SCFD2: variants seen among roughly 807,000 people sequenced by gnomAD.
SCFD2 encodes the protein sec1 family domain-containing protein 2.
In SCFD2, 54 loss-of-function variants were observed where a neutral mutation model predicts 58.9. The observed-to-expected ratio is 0.92, with a 90% CI of 0.74 to 1.15. SCFD2 has a LOEUF of 1.15. Ranked by LOEUF, SCFD2 falls within the 50% of genes most tolerant of loss-of-function variation. SCFD2 has a pLI of 0.00. For synonymous variants in SCFD2, 321 were observed against 335.9 expected (o/e 0.96, Z 0.49); for missense variants, 805 against 836.6 (o/e 0.96, Z 0.47).
chr4:53,135,070 T>C lies in SCFD2; in HGVS notation c.1561+10263A>G, dbSNP rs1400246771. On this transcript the variant is annotated intron_variant, in intron 5 of 8. Transcript: ENST00000401642. ...TAAGCCAGATTAAAATGTAAACAAA[T>C]GTAATTTTTTTTTTTAGTTAAAAGT... 4.6e-5 allele frequency among the ~76,000 whole-genome samples: 7 copies of C among 151,978 alleles called. No individual in the cohort carries two copies. In the East Asian group the frequency reaches 1.2e-3, roughly 25 times the overall value.
intron 5 of SCFD2, among the ~76,000 whole-genome samples, chr4:52,988,427 T>C (rs1236766558): frequency 6.6e-6 from 1 of 152,198 alleles, no homozygotes; most frequent in Admixed American, 6.5e-5. Context: ...ACCACATTTG[T>C]CCAATGTCCT....
chr4:53,177,635 C>T (rs1415503543), intron 4 of SCFD2, among the ~76,000 whole-genome samples: 2 of 152,164 alleles, frequency 1.3e-5, no homozygotes, highest in Non-Finnish European at 2.9e-5. Context: ...GTACCGGGTT[C>T]ATCTCAGTGG....
chr4:52,936,737 CCTCCTTCAG>C (rs1287049895), intron 5 of SCFD2, among the ~76,000 whole-genome samples: 2 of 152,206 alleles, frequency 1.3e-5, no homozygotes, highest in African/African-American at 4.8e-5. Flanking sequence ...CACTCCTCCA[CCTCCTTCAG>C]CTCATAGACA....
chr4:53,134,618 T>C (rs1404085472), intron 5 of SCFD2, among the ~76,000 whole-genome samples: 2 of 152,256 alleles, frequency 1.3e-5, no homozygotes, highest in African/African-American at 4.8e-5. Context: ...CAGGAATCTC[T>C]ATACCATTAT....
intron 5 of SCFD2, among the ~76,000 whole-genome samples, chr4:53,028,171 T>C (rs866273455): frequency 6.6e-6 from 1 of 151,656 alleles, no homozygotes; most frequent in South Asian, 2.1e-4. Flanking sequence ...CACTTGAACC[T>C]GGGAGGCGGA....
At chr4:53,275,782 T>C (rs568977554) in intron 3 of SCFD2, among the ~76,000 whole-genome samples, 2 of 152,322 alleles carry the variant, frequency 1.3e-5, no homozygotes, top group East Asian at 3.9e-4. Flanking sequence ...ACATAGTATG[T>C]AGCCATTTGA....
chr4:53,009,607 C>T (rs17645134), intron 5 of SCFD2, among the ~76,000 whole-genome samples: 14,106 of 152,234 alleles, frequency 0.093, 818 homozygotes, highest in Middle Eastern at 0.14. Flanking sequence ...GCTTTCCCTT[C>T]GTTCTCGTAA....
At chr4:52,940,011 A>T (rs963248226) in intron 5 of SCFD2, among the ~76,000 whole-genome samples, 2 of 152,234 alleles carry the variant, frequency 1.3e-5, no homozygotes, top group African/African-American at 4.8e-5. Flanking sequence ...CCAAGCAGGG[A>T]GCCTACATTC....
At chr4:52,939,545 A>C (rs1197396589) in intron 5 of SCFD2, among the ~76,000 whole-genome samples, 1 of 152,198 alleles carries the variant, frequency 6.6e-6, no homozygotes, top group South Asian at 2.1e-4. Flanking sequence ...TAAGATGCTT[A>C]CTATGTGTCA....
At chr4:53,187,658 T>C (rs1727776918) in intron 4 of SCFD2, among the ~76,000 whole-genome samples, 1 of 152,046 alleles carries the variant, frequency 6.6e-6, no homozygotes, top group South Asian at 2.1e-4. Context: ...AAATATGATA[T>C]AACAGCTTAT....
intron 6 of SCFD2, among the ~76,000 whole-genome samples, chr4:52,913,290 A>G (rs1248762037): frequency 6.6e-6 from 1 of 152,100 alleles, no homozygotes; most frequent in Non-Finnish European, 1.5e-5. Flanking sequence ...TGAATGAGTG[A>G]AGCTTCATCA....
chr4:53,041,714 C>T (rs1722905119), intron 5 of SCFD2, among the ~76,000 whole-genome samples: 1 of 151,948 alleles, frequency 6.6e-6, no homozygotes, highest in Admixed American at 6.6e-5. Flanking sequence ...TTGATGTAGC[C>T]CTTAGGAAAT....
chr4:53,327,666 T>G (rs1045178292), intron 2 of SCFD2, among the ~76,000 whole-genome samples: 6 of 152,138 alleles, frequency 3.9e-5, no homozygotes, highest in African/African-American at 1.4e-4. Context: ...CTATATTGGT[T>G]AAATACAGGA....
chr4:52,939,494 A>T (rs17700324), intron 5 of SCFD2, among the ~76,000 whole-genome samples: 4,886 of 152,228 alleles, frequency 0.032, 125 homozygotes, highest in Non-Finnish European at 0.049. Flanking sequence ...GAACACTAGG[A>T]GGGAAAGGCA....
chr4:53,184,068 A>T (rs1727665695), intron 4 of SCFD2, among the ~76,000 whole-genome samples: 1 of 152,164 alleles, frequency 6.6e-6, no homozygotes, highest in Non-Finnish European at 1.5e-5. Flanking sequence ...AAAATATCCC[A>T]TTTAAAAATG....
intron 4 of SCFD2, among the ~76,000 whole-genome samples, chr4:53,218,409 T>A (rs1302468127): frequency 2.0e-5 from 3 of 152,248 alleles, no homozygotes; most frequent in Non-Finnish European, 4.4e-5. Context: ...CTGTCACTGA[T>A]ACCCTTTCTT....
chr4:53,262,790 G>A (rs758055740), intron 4 of SCFD2, among the ~76,000 whole-genome samples: 1 of 152,188 alleles, frequency 6.6e-6, no homozygotes, highest in Non-Finnish European at 1.5e-5. Flanking sequence ...GTATTTGGAT[G>A]TCTAGATCTG....
chr4:53,230,776 A>T (rs1729412279), intron 4 of SCFD2, among the ~76,000 whole-genome samples: 1 of 152,110 alleles, frequency 6.6e-6, no homozygotes, highest in Admixed American at 6.6e-5. Context: ...TATAATAATA[A>T]AATTTAAAAA....
At chr4:53,179,846 C>A (rs1727481924) in intron 4 of SCFD2, among the ~76,000 whole-genome samples, 1 of 152,086 alleles carries the variant, frequency 6.6e-6, no homozygotes, top group African/African-American at 2.4e-5. Flanking sequence ...GCAGGGGTTG[C>A]AATCCTAGTC....
Sources: gnomAD v4.1 joint callset for allele counts (sites outside exome capture counted in the v4.1 genomes callset) on GRCh38, gnomAD v4.1.1 for gene constraint, MANE v1.5 for transcripts, NCBI Gene and HGNC (gene_info 2026-07-23, HGNC 2026-07-21) for gene names.